The following KIF1A variants were observed in gnomAD, a reference collection of about 807,000 sequenced individuals.
KIF1A encodes kinesin family member 1A.
In KIF1A, 46 loss-of-function variants were observed where a neutral mutation model predicts 227.3. That is an observed-to-expected ratio of 0.20 (90% CI 0.16 to 0.26). The LOEUF is 0.26. Ranked by LOEUF, KIF1A falls within the 10% of genes least tolerant of loss-of-function variation. The pLI, the probability that KIF1A is intolerant of heterozygous loss-of-function variation, is 1.00. For missense variants in KIF1A, 1,683 were observed against 2,485.9 expected, an observed-to-expected ratio of 0.68 and a Z score of 6.87; for synonymous variants, 1,022 against 1,012.8, an observed-to-expected ratio of 1.01 and a Z score of -0.17.
chr2:240,774,135 C>G (rs2052408549), intron 12 of KIF1A, 48 bp downstream of exon 12: 1 of 1,287,202 alleles, frequency 7.8e-7, no homozygotes, highest in Non-Finnish European at 1.1e-6. Context: ...GATCCATCCC[C>G]CAAGACCAGG....
In KIF1A at chr2:240,756,021, G is replaced by C. The variant is rs566770479; in HGVS notation, c.2858+1298C>G. On this transcript the variant is annotated intron_variant, in intron 27 of 48. Transcript: ENST00000498729. ...GTAGGCCAGCTTATCTCACCTCACA[G>C]CCTAGTAACACTCATGAAAAATTAA... is the stretch of plus-strand genomic sequence containing the variant. Among the ~76,000 whole-genome samples, 28 of 152,256 alleles carry C rather than the reference G, an allele frequency of 1.8e-4. 1 individual carries two copies. The highest frequency in any genetic ancestry group is 5.8e-4 in the African/African-American group (24 of 41,558).
At chr2:240,811,541 G>A (rs980717763) in intron 1 of KIF1A, among the ~76,000 whole-genome samples, 5 of 130,720 alleles carry the variant, frequency 3.8e-5, no homozygotes, top group South Asian at 5.3e-4. Context: ...CTGAGAAGGC[G>A]GGGGGTTGCG....
Position 240,817,596 on chromosome 2 carries a change from C to T in KIF1A, c.-61+2526G>A, listed in dbSNP as rs552601294. ...TGGCCAGCTAGGCATGTGCAGGGCTCAGTAAATCCCAATGACCTAATGCTG... is the reference window on the plus strand; with the variant it reads ...TGGCCAGCTAGGCATGTGCAGGGCTTAGTAAATCCCAATGACCTAATGCTG... On this transcript the variant is annotated intron_variant, in intron 1 of 48. Coordinates refer to ENST00000498729, the MANE Select transcript of KIF1A (RefSeq NM_001244008.2). 2.6e-5 allele frequency among the ~76,000 whole-genome samples: 4 copies of T among 152,324 alleles called. No individual in the cohort carries two copies. In the South Asian group the frequency reaches 8.3e-4, roughly 32 times the overall value.
At chr2:240,781,628 G>A (rs1252622047) in intron 10 of KIF1A, among the ~76,000 whole-genome samples, 2 of 151,660 alleles carry the variant, frequency 1.3e-5, no homozygotes, top group East Asian at 3.9e-4. Flanking sequence ...GGTTATCACC[G>A]CTCCTCACAG....
chr2:240,787,594 CAGCAGGCAAA>C (rs1002727100), intron 4 of KIF1A, among the ~76,000 whole-genome samples: 1 of 152,212 alleles, frequency 6.6e-6, no homozygotes. Context: ...TCCCTTCCCT[CAGCAGGCAAA>C]GTACTAGTGA....
chr2:240,744,096 G>T, intron 32 of KIF1A, 36 bp from the exon 33 acceptor site: 1 of 1,368,794 alleles, frequency 7.3e-7, no homozygotes, highest in Non-Finnish European at 1.0e-6. Context: ...AGGAGGGCAC[G>T]GCCAGGTCAC....
Position 240,789,447 on chromosome 2 carries a change from A to T in KIF1A, c.107-135T>A. 4 of 689,650 alleles carry T rather than the reference A, an allele frequency of 5.8e-6. No homozygotes were observed. The highest frequency in any genetic ancestry group is 1.0e-5 in the Non-Finnish European group (4 of 386,328). The allele number at this position is 689,650 out of a possible 1,614,324, so 42.7% of individuals were successfully genotyped here. ...AAGCCAGGCCCCCAAATTGGAGGGG[A>T]CCTAGGACCCCACTCCCAGGCAGAT... On this transcript the variant is annotated intron_variant, in intron 2 of 48. Transcript: ENST00000498729. This position sits in a 1 kb window ranked among gnomAD's most constrained non-coding sequence, Gnocchi z 4.8.
rs369104797 is a variant in KIF1A at position 240,757,097 on chromosome 2, C to T, written c.2858+222G>A. On this transcript the variant is annotated intron_variant, in intron 27 of 48. Transcript: ENST00000498729. The surrounding 1 kb of genome is among the most constrained non-coding windows in gnomAD (Gnocchi z 6.2). The stretch of plus-strand genomic sequence containing the variant: ...ACCTGGAACCCAGACTCTTCCCTGC[C>T]GGCCCAAAGCGACCGTCTCCAGGAT... Among the ~76,000 whole-genome samples, 35 of 152,352 alleles carry T rather than the reference C, an allele frequency of 2.3e-4. 1 individual carries two copies. In the East Asian group the frequency reaches 4.6e-3, roughly 20 times the overall value.
chr2:240,807,356 T>G (rs1175506619), intron 1 of KIF1A, among the ~76,000 whole-genome samples: 3 of 152,120 alleles, frequency 2.0e-5, no homozygotes, highest in Admixed American at 2.0e-4. Context: ...TTGGTCAGGC[T>G]GGTCTTGAAC....
chr2:240,729,070 G>C (rs939311091), intron 38 of KIF1A, among the ~76,000 whole-genome samples: 6 of 152,122 alleles, frequency 3.9e-5, no homozygotes, highest in African/African-American at 1.4e-4. Context: ...ACCGCTGTCT[G>C]GTACATGTCA....
chr2:240,750,885 G>A (rs2125827336), intron 27 of KIF1A, among the ~76,000 whole-genome samples: 1 of 152,306 alleles, frequency 6.6e-6, no homozygotes, highest in Non-Finnish European at 1.5e-5. Context: ...GGCCAGACCA[G>A]GACCCAGACC....
intron 14 of KIF1A, chr2:240,771,362 C>T (rs1007807967): frequency 4.1e-5 from 23 of 554,474 alleles, no homozygotes; most frequent in Admixed American, 1.3e-4. Flanking sequence ...CCCTTGCCTA[C>T]GATGGGACGG....
chr2:240,740,071 G>A lies in KIF1A; in HGVS notation c.3888C>T (p.Arg1296=), dbSNP rs144520412. Residue 1296 remains arginine (R), a synonymous_variant, in exon 37 of 49, where the codon CGC becomes CGT. Transcript: ENST00000498729. The surrounding 1 kb of genome is among the most constrained non-coding windows in gnomAD (Gnocchi z 6.1). ...CACCGCACTCACCCACGACCAGCTC[G>A]CGCACTTCCTTCCAGCGGATATGGC... ...TGSHIRWKEV[R]ELVVGRIRNT... is the part of the protein sequence containing the mutation. The A allele has an allele frequency of 2.7e-3, 4,300 of 1,585,678 alleles. 11 individuals are homozygous for A. The highest frequency in any genetic ancestry group is 5.6e-3 in the Admixed American group (317 of 56,316).
At chr2:240,764,745 C>T (rs1403944828) in intron 20 of KIF1A, among the ~76,000 whole-genome samples, 1 of 152,170 alleles carries the variant, frequency 6.6e-6, no homozygotes, top group African/African-American at 2.4e-5. Context: ...CACATGTGCT[C>T]CACACCTGCA....
chr2:240,762,729 G>T lies in KIF1A; in HGVS notation c.2106C>A (p.Pro702=), dbSNP rs372340696. 1.3e-6 allele frequency: 2 copies of T among 1,590,664 alleles called. No individual in the cohort carries two copies. The highest frequency in any genetic ancestry group is 4.5e-5 in the East Asian group (2 of 44,124). ...CCAGTGACCCCTCACCTTCATCCTC[G>T]GGCTCCTCCTCCTCCTCGTTCACCT... is the stretch of plus-strand genomic sequence containing the variant. ...YPEVNEEEEE[P]EDEVQWTERE... is the part of the protein sequence containing the mutation. Residue 702 remains proline, a synonymous_variant, in exon 23 of 49, where the codon CCC becomes CCA. Transcript: ENST00000498729.
chr2:240,818,168 A>G (rs2058462678), intron 1 of KIF1A, among the ~76,000 whole-genome samples: 1 of 152,028 alleles, frequency 6.6e-6, no homozygotes, highest in South Asian at 2.1e-4. Flanking sequence ...CTGCCTTGAC[A>G]ACTGATTCCA....
intron 38 of KIF1A, among the ~76,000 whole-genome samples, chr2:240,731,491 G>A (rs1292339587): frequency 1.3e-5 from 2 of 152,210 alleles, no homozygotes; most frequent in Non-Finnish European, 2.9e-5. Context: ...GTGCCAGCTG[G>A]GAGACAACCA....
Position 240,745,499 on chromosome 2 carries a change from G to T in KIF1A, c.3393C>A (p.Asp1131Glu), listed in dbSNP as rs776221706. The T allele has an allele frequency of 9.3e-6, 15 of 1,611,902 alleles. No homozygotes were observed. Among genetic ancestry groups the T allele is most frequent in the Non-Finnish European group, 1.3e-5 (15 of 1,178,592 alleles). ...TCAGGGGCTCTGTGGAGAAGGCCTCGTCGTGGCGGTGGATGAAGCTGCAAA... is the reference window on the plus strand; with the variant it reads ...TCAGGGGCTCTGTGGAGAAGGCCTCTTCGTGGCGGTGGATGAAGCTGCAAA... ...FCQFNFIHRH[D>E]EAFSTEPLKN... Residue 1131 changes from aspartate to glutamate, a missense_variant, in exon 32 of 49, where the codon GAC (aspartate) becomes GAA (glutamate). By Grantham distance (45) the Asp-to-Glu change is conservative. Transcript: ENST00000498729.
At chr2:240,733,295 C>G (rs967530176) in intron 38 of KIF1A, among the ~76,000 whole-genome samples, 19 of 152,068 alleles carry the variant, frequency 1.2e-4, no homozygotes, top group Admixed American at 7.9e-4. Flanking sequence ...GGGGAAACTC[C>G]CAGAGGCAGG....
Sources: gnomAD v4.1 joint callset for allele counts (sites outside exome capture counted in the v4.1 genomes callset) on GRCh38, gnomAD v4.1.1 for gene constraint, Gnocchi (gnomAD v3.1) non-coding constraint, MANE v1.5 for transcripts, NCBI Gene and HGNC (gene_info 2026-07-23, HGNC 2026-07-21) for gene names.